Variants in SCAI observed in about 807,000 individuals in gnomAD.
SCAI encodes suppressor of cancer cell invasion, also known as protein SCAI.
SCAI carries 24 observed loss-of-function variants against 92.2 expected under a neutral mutation model. The observed-to-expected ratio is 0.26, with a 90% CI of 0.19 to 0.37. The LOEUF is 0.37. SCAI is among the 10% of genes least tolerant of loss of function. SCAI has a pLI of 1.00. For missense variants in SCAI, 450 were observed against 736.2 expected (o/e 0.61, Z 4.50); for synonymous variants, 261 against 258.6 (o/e 1.01, Z -0.09).
chr9:124,948,095 C>A lies in SCAI; in HGVS notation c.*4712G>T, dbSNP rs1267255146. ...AAAGAAAGCTCCATAATACCTAATA[C>A]ATAAATCCGATTTGTCGCTTTTCCC... On this transcript the variant is annotated 3_prime_UTR_variant, in exon 18 of 18. Coordinates refer to ENST00000336505, the MANE Select transcript of SCAI (RefSeq NM_001144877.3). The A allele has an allele frequency of 6.6e-6, 1 of 152,220 alleles. No individual in the cohort carries two copies. Among genetic ancestry groups the A allele is most frequent in the Non-Finnish European group, 1.5e-5 (1 of 68,034 alleles). 9.4% of individuals were successfully genotyped at this position (152,220 alleles called of 1,614,324 possible). A position where few individuals can be genotyped will look rare whatever the true frequency, so the allele number is the denominator to read the frequency against.
chr9:125,141,729 G>C (rs1297613916), intron 2 of SCAI, among the ~76,000 whole-genome samples: 2 of 152,120 alleles, frequency 1.3e-5, no homozygotes, highest in African/African-American at 4.8e-5. Flanking sequence ...GAGTCAGACT[G>C]TCTGGATTCA....
At chr9:125,117,996 AC>A (rs1835082007) in intron 2 of SCAI, among the ~76,000 whole-genome samples, 1 of 151,996 alleles carries the variant, frequency 6.6e-6, no homozygotes, top group South Asian at 2.1e-4. Flanking sequence ...TAATATATAA[AC>A]CTTATCCCCT....
Position 125,033,009 on chromosome 9 carries a change from T to G in SCAI, c.231-3270A>C, listed in dbSNP as rs536880894. Reference sequence around the variant, plus strand: ...CTTCAATTAATAGGATTATTGGTTGTAATAGACAGAAAATATGATCACATA... The same window carrying G: ...CTTCAATTAATAGGATTATTGGTTGGAATAGACAGAAAATATGATCACATA... On this transcript the variant is annotated intron_variant, in intron 3 of 17. Transcript: ENST00000336505. Among the ~76,000 whole-genome samples, 4 of 152,282 alleles carry G rather than the reference T, an allele frequency of 2.6e-5. No individual in the cohort carries two copies. The East Asian group carries it at 7.7e-4, about 29-fold the overall frequency.
intron 15 of SCAI, among the ~76,000 whole-genome samples, chr9:124,974,962 C>A: frequency 1.3e-5 from 2 of 152,232 alleles, no homozygotes; most frequent in Middle Eastern, 6.8e-3. Flanking sequence ...CTCCTCTATA[C>A]AATGAAGTCT....
chr9:125,093,281 A>T (rs1834476619), intron 2 of SCAI, among the ~76,000 whole-genome samples: 2 of 152,006 alleles, frequency 1.3e-5, no homozygotes, highest in Non-Finnish European at 2.9e-5. Context: ...GAATTGCTTG[A>T]ACCCAGGAGG....
At chr9:125,134,833 C>A (rs541559798) in intron 2 of SCAI, among the ~76,000 whole-genome samples, 1 of 152,172 alleles carries the variant, frequency 6.6e-6, no homozygotes, top group Admixed American at 6.5e-5. Flanking sequence ...TGCGCCACCA[C>A]GCCAGGCTAA....
chr9:125,057,453 T>C (rs1478039027), intron 2 of SCAI, among the ~76,000 whole-genome samples: 1 of 152,168 alleles, frequency 6.6e-6, no homozygotes, highest in African/African-American at 2.4e-5. Flanking sequence ...ACACCTAAAA[T>C]TGAAAGGACT....
chr9:124,967,266 C>G (rs916058686), intron 17 of SCAI, among the ~76,000 whole-genome samples: 1 of 152,052 alleles, frequency 6.6e-6, no homozygotes, highest in Non-Finnish European at 1.5e-5. Context: ...CTTTGTCATC[C>G]CCTCATCTAC....
intron 2 of SCAI, among the ~76,000 whole-genome samples, chr9:125,097,466 A>G (rs1032002929): frequency 2.6e-5 from 4 of 152,166 alleles, no homozygotes; most frequent in Non-Finnish European, 4.4e-5. Context: ...AAAAAAGTAA[A>G]TAAATTAAAT....
At chr9:124,967,761 T>C (rs571350480) in intron 17 of SCAI, among the ~76,000 whole-genome samples, 2 of 152,292 alleles carry the variant, frequency 1.3e-5, no homozygotes, top group East Asian at 3.9e-4. Context: ...AAAGCACATA[T>C]AAGAAATTGT....
At chr9:125,097,158 C>T (rs561713428) in intron 2 of SCAI, among the ~76,000 whole-genome samples, 14 of 152,222 alleles carry the variant, frequency 9.2e-5, no homozygotes, top group East Asian at 7.7e-4. Flanking sequence ...ATTAGCTGGG[C>T]GCGGTGGCTC....
chr9:125,084,771 G>A (rs1390385126), intron 2 of SCAI, among the ~76,000 whole-genome samples: 1 of 152,124 alleles, frequency 6.6e-6, no homozygotes, highest in African/African-American at 2.4e-5. Context: ...ATCATGTTAA[G>A]GTAGATTCTA....
intron 2 of SCAI, among the ~76,000 whole-genome samples, chr9:125,135,928 C>T (rs1835511753): frequency 6.9e-6 from 1 of 144,570 alleles, no homozygotes; most frequent in Non-Finnish European, 1.5e-5. Flanking sequence ...GAGATCACAC[C>T]ATTGCACTCC....
At chr9:125,111,629 G>A (rs1834930918) in intron 2 of SCAI, among the ~76,000 whole-genome samples, 1 of 151,636 alleles carries the variant, frequency 6.6e-6, no homozygotes. Context: ...CAAGACAACT[G>A]TTCTTCTTCC....
intron 2 of SCAI, among the ~76,000 whole-genome samples, chr9:125,138,249 C>CTTT (rs10570060): frequency 3.5e-4 from 36 of 104,174 alleles, no homozygotes; most frequent in Admixed American, 5.6e-4. Context: ...ACTATTATTT[C>CTTT]TTTTTTTTTT....
intron 17 of SCAI, among the ~76,000 whole-genome samples, chr9:124,963,675 C>T (rs545984912): frequency 7.4e-4 from 101 of 137,202 alleles, no homozygotes; most frequent in African/African-American, 2.6e-3. Flanking sequence ...TCTTGAACCC[C>T]GGAGGTGCAG....
chr9:125,046,196 G>GATATATATATATAT (rs71374222), intron 3 of SCAI, among the ~76,000 whole-genome samples: 3,891 of 51,398 alleles, frequency 0.076, 291 homozygotes, highest in Non-Finnish European at 0.088. Flanking sequence ...GAAATTGTGA[G>GATATATATATATAT]ATATATATAT....
intron 3 of SCAI, among the ~76,000 whole-genome samples, chr9:125,030,270 C>T (rs773138946): frequency 3.3e-5 from 5 of 152,084 alleles, no homozygotes; most frequent in East Asian, 1.9e-4. Context: ...TGGGCCTGGC[C>T]GTATTAACTT....
rs1831212088 is a variant in SCAI at position 124,950,225 on chromosome 9, A to C, written c.*2582T>G. 6.6e-6 allele frequency: 1 copy of C among 152,054 alleles called. No individual in the cohort carries two copies. Among genetic ancestry groups the C allele is most frequent in the Non-Finnish European group, 1.5e-5 (1 of 68,008 alleles). The allele number at this position is 152,054 out of a possible 1,614,324, so 9.4% of individuals were successfully genotyped here. On this transcript the variant is annotated 3_prime_UTR_variant, in exon 18 of 18. Transcript: ENST00000336505. ...GGTAAATAGTTCTCTTGGTGGTTGG[A>C]GTGGGGAAATCAATATTTTTGGAAC...
Sources: gnomAD v4.1 joint callset for allele counts (sites outside exome capture counted in the v4.1 genomes callset) on GRCh38, gnomAD v4.1.1 for gene constraint, MANE v1.5 for transcripts, NCBI Gene and HGNC (gene_info 2026-07-23, HGNC 2026-07-21) for gene names.